TNS3: variants seen among roughly 807,000 people sequenced by gnomAD.
TNS3 encodes the protein tensin-3.
In TNS3, 45 loss-of-function variants were observed where a neutral mutation model predicts 140.9. That is an observed-to-expected ratio of 0.32 (90% CI 0.25 to 0.41). The LOEUF (loss-of-function observed/expected upper bound fraction) is 0.41, where lower values mean the gene tolerates loss of function less well. Among genes scored for constraint, TNS3 ranks in the 10% least tolerant of loss-of-function variants. The probability of loss-of-function intolerance (pLI) is 1.00; values close to 1 mark genes in which losing one functional copy is unlikely to be tolerated. For missense variants in TNS3, 1,716 were observed against 1,906.7 expected (o/e 0.90, Z 1.86); for synonymous variants, 815 against 788.4 (o/e 1.03, Z -0.56).
rs1786855762 is a variant in TNS3 at position 47,307,939 on chromosome 7, C to T, written c.2651-2936G>A. On this transcript the variant is annotated intron_variant, in intron 20 of 30. Coordinates refer to ENST00000311160, the MANE Select transcript of TNS3 (RefSeq NM_022748.12). ...TTAAGAATCTTTTGAAGAACAAAAT[C>T]TTGTAATTTAAGTCCAGTTTATCAA... Among the ~76,000 whole-genome samples the T allele has an allele frequency of 3.3e-5, 5 of 152,124 alleles. No homozygotes were observed. In the East Asian group the frequency reaches 7.7e-4, roughly 23 times the overall value.
intron 23 of TNS3, among the ~76,000 whole-genome samples, chr7:47,299,076 G>A (rs529450572): frequency 1.1e-4 from 16 of 152,354 alleles, no homozygotes; most frequent in African/African-American, 3.4e-4. Context: ...TCTGGTGCAC[G>A]TTTTCTCACA....
At chr7:47,312,564 G>A (rs1320292245) in intron 20 of TNS3, among the ~76,000 whole-genome samples, 2 of 152,020 alleles carry the variant, frequency 1.3e-5, no homozygotes, top group Admixed American at 6.5e-5. Context: ...TTAGCTGGGT[G>A]TGGTGGTGTG....
At chr7:47,343,265 C>T (rs752239212) in intron 20 of TNS3, among the ~76,000 whole-genome samples, 7 of 152,336 alleles carry the variant, frequency 4.6e-5, no homozygotes, top group Admixed American at 2.6e-4. Flanking sequence ...GGGTACCCCA[C>T]GCTGAGCACC....
At chr7:47,457,904 T>C (rs1269238939) in intron 4 of TNS3, among the ~76,000 whole-genome samples, 1 of 152,200 alleles carries the variant, frequency 6.6e-6, no homozygotes. Flanking sequence ...GACCCAGCAC[T>C]GTCCTCAGGT....
intron 23 of TNS3, among the ~76,000 whole-genome samples, chr7:47,298,644 G>A (rs951681558): frequency 1.3e-5 from 2 of 152,332 alleles, no homozygotes; most frequent in Admixed American, 6.5e-5. Flanking sequence ...CGATCAGGGC[G>A]CAGAACATGA....
chr7:47,454,675 G>A (rs1045715476), intron 4 of TNS3, among the ~76,000 whole-genome samples: 1 of 152,150 alleles, frequency 6.6e-6, no homozygotes, highest in African/African-American at 2.4e-5. Context: ...TTACTTCATG[G>A]TGACAGAAAA....
chr7:47,445,079 T>G (rs1795661397), intron 4 of TNS3, among the ~76,000 whole-genome samples: 1 of 152,142 alleles, frequency 6.6e-6, no homozygotes, highest in African/African-American at 2.4e-5. Flanking sequence ...TACCCAATTT[T>G]CTATGTAAGT....
At chr7:47,383,935 C>A (rs757128236) in intron 16 of TNS3, among the ~76,000 whole-genome samples, 1 of 152,186 alleles carries the variant, frequency 6.6e-6, no homozygotes, top group Non-Finnish European at 1.5e-5. Flanking sequence ...GAAAGTGACA[C>A]GCAGGGCCTC....
At chr7:47,353,240 T>A (rs1216108588) in intron 17 of TNS3, among the ~76,000 whole-genome samples, 1 of 152,166 alleles carries the variant, frequency 6.6e-6, no homozygotes, top group Non-Finnish European at 1.5e-5. Flanking sequence ...CTGTCCAAGC[T>A]GAGACACCCT....
intron 20 of TNS3, among the ~76,000 whole-genome samples, chr7:47,328,122 A>G (rs1788126811): frequency 6.6e-6 from 1 of 151,828 alleles, no homozygotes; most frequent in Non-Finnish European, 1.5e-5. Context: ...GGCGTCCCCC[A>G]CCCACCCAGG....
At chr7:47,297,483 A>T (rs375645188) in intron 23 of TNS3, among the ~76,000 whole-genome samples, 1 of 152,256 alleles carries the variant, frequency 6.6e-6, no homozygotes, top group East Asian at 1.9e-4. Context: ...CTCTTTAGCT[A>T]GACTGAGGTG....
At chr7:47,441,409 C>T (rs559985674) in intron 5 of TNS3, among the ~76,000 whole-genome samples, 24 of 152,260 alleles carry the variant, frequency 1.6e-4, no homozygotes, top group African/African-American at 5.5e-4. Context: ...ATTTCCTGAC[C>T]TTGTGGTCTC....
chr7:47,572,288 G>C (rs576895700), intron 1 of TNS3, among the ~76,000 whole-genome samples: 1 of 152,202 alleles, frequency 6.6e-6, no homozygotes, highest in Non-Finnish European at 1.5e-5. Flanking sequence ...GACCGGCAAC[G>C]GCAACGCCTA....
intron 5 of TNS3, among the ~76,000 whole-genome samples, chr7:47,441,254 C>T (rs1795451904): frequency 1.3e-5 from 2 of 152,190 alleles, no homozygotes; most frequent in Non-Finnish European, 2.9e-5. Context: ...TCTCGGCTTA[C>T]TGCAGTCTCT....
chr7:47,529,712 T>C (rs1799324228), intron 1 of TNS3, among the ~76,000 whole-genome samples: 1 of 152,216 alleles, frequency 6.6e-6, no homozygotes, highest in Admixed American at 6.5e-5. Flanking sequence ...CAAACACAAT[T>C]ACAAGCATTA....
At chr7:47,574,484 G>T (rs1198369095) in intron 1 of TNS3, among the ~76,000 whole-genome samples, 2 of 151,722 alleles carry the variant, frequency 1.3e-5, no homozygotes, top group African/African-American at 4.8e-5. Context: ...GTTCCAAAAA[G>T]CTTGTGCTCA....
At chr7:47,394,285 A>T (rs1792699981) in intron 16 of TNS3, among the ~76,000 whole-genome samples, 1 of 152,246 alleles carries the variant, frequency 6.6e-6, no homozygotes, top group African/African-American at 2.4e-5. Context: ...TGCTCAGAGC[A>T]TAAGGGTGGA....
At chr7:47,294,452 C>T (rs1225468436) in intron 24 of TNS3, among the ~76,000 whole-genome samples, 1 of 152,214 alleles carries the variant, frequency 6.6e-6, no homozygotes, top group African/African-American at 2.4e-5. Flanking sequence ...GCAAAACTAT[C>T]TGAGAGTGGA....
Position 47,362,629 on chromosome 7 carries a change from G to A in TNS3, c.2281+5736C>T, listed in dbSNP as rs148247049. ...GTCAGAGAGACGAGAGCTCTGTTACGTGTCCTGGTGAAATGAAGGTACCTA... is the reference window on the plus strand; with the variant it reads ...GTCAGAGAGACGAGAGCTCTGTTACATGTCCTGGTGAAATGAAGGTACCTA... On this transcript the variant is annotated intron_variant, in intron 17 of 30. Transcript: ENST00000311160. Among the ~76,000 whole-genome samples the A allele has an allele frequency of 2.2e-4, 33 of 152,268 alleles. No individual in the cohort carries two copies. In the East Asian group the frequency reaches 5.6e-3, roughly 26 times the overall value.
Sources: allele counts gnomAD v4.1 joint callset (sites outside exome capture counted in the v4.1 genomes callset), GRCh38; gene constraint gnomAD v4.1.1; transcripts MANE v1.5; gene names NCBI Gene and HGNC (gene_info 2026-07-23, HGNC 2026-07-21).